Variants in RUNX1 observed in about 807,000 individuals in gnomAD.
RUNX1 encodes RUNX family transcription factor 1, also known as runt-related transcription factor 1.
RUNX1 carries 19 observed loss-of-function variants against 42.8 expected under a neutral mutation model. The ratio of observed to expected loss-of-function variants is 0.44; its 90% CI spans 0.31 to 0.65. The LOEUF (loss-of-function observed/expected upper bound fraction) is 0.65. Ranked by LOEUF, RUNX1 falls within the 30% of genes least tolerant of loss-of-function variation. The probability of loss-of-function intolerance (pLI) is 0.07; values close to 1 mark genes in which losing one functional copy is unlikely to be tolerated. For missense variants in RUNX1, 528 were observed against 672.0 expected (o/e 0.79, Z 2.37); for synonymous variants, 271 against 289.4 (o/e 0.94, Z 0.64).
intron 2 of RUNX1, among the ~76,000 whole-genome samples, chr21:35,008,624 A>G (rs188447212): frequency 7.1e-4 from 108 of 152,360 alleles, no homozygotes; most frequent in Non-Finnish European, 2.8e-4. Context: ...ACTTCAGTAT[A>G]TTTGCTGAAT....
intron 1 of RUNX1, 45 bp downstream of exon 1, chr21:35,049,123 A>T (rs2059421429): frequency 1.9e-6 from 1 of 536,904 alleles, no homozygotes; most frequent in Non-Finnish European, 3.3e-6. Context: ...ATTAAAAAAA[A>T]AAAAAAAGCC....
intron 2 of RUNX1, among the ~76,000 whole-genome samples, chr21:35,034,042 C>T (rs1233848466): frequency 6.6e-6 from 1 of 152,182 alleles, no homozygotes; most frequent in African/African-American, 2.4e-5. Flanking sequence ...CAAAGTCACA[C>T]CCTCTCTAGA....
chr21:34,884,003 G>C (rs1161055387), intron 4 of RUNX1, among the ~76,000 whole-genome samples: 2 of 152,176 alleles, frequency 1.3e-5, no homozygotes, highest in African/African-American at 2.4e-5. Context: ...GAACTTCCCT[G>C]CTGAAGGCAC....
chr21:34,891,617 TA>T (rs940761658), intron 3 of RUNX1, among the ~76,000 whole-genome samples: 1 of 151,442 alleles, frequency 6.6e-6, no homozygotes, highest in African/African-American at 2.4e-5. Context: ...TTCCTTTGCC[TA>T]AGGGAGAAAG....
intron 7 of RUNX1, among the ~76,000 whole-genome samples, chr21:34,801,619 T>C (rs2056609226): frequency 6.6e-6 from 1 of 152,202 alleles, no homozygotes; most frequent in African/African-American, 2.4e-5. Flanking sequence ...GTCAACACCC[T>C]GAAGCCCACC....
chr21:35,022,774 A>G (rs920273231), intron 2 of RUNX1, among the ~76,000 whole-genome samples: 2 of 151,938 alleles, frequency 1.3e-5, no homozygotes, highest in Non-Finnish European at 2.9e-5. Context: ...GGGTGCCCGT[A>G]ATCCCGGCTA....
Position 34,887,045 on chromosome 21 carries a change from C to T in RUNX1, c.149G>A (p.Gly50Asp), listed in dbSNP as rs2146413739. Residue 50 changes from glycine to aspartate, a missense_variant, in exon 4 of 9, where the codon GGC (glycine) becomes GAC (aspartate). Around this residue, in one of 3 missense-constraint regions of RUNX1, gnomAD observed 114 missense variants for 115.0 expected, o/e 0.99. Transcript: ENST00000675419. ...CAGCGGCAACGCCTCGCTCATCTTG[C>T]CTGGGCTCAGCGCGGTGGAAGGCGG... is the stretch of plus-strand genomic sequence containing the variant. ...FTPPSTALSPGKMSEALPLGA... is the reference protein window; with the variant it reads ...FTPPSTALSPDKMSEALPLGA... 11 of 1,601,122 alleles carry T rather than the reference C, an allele frequency of 6.9e-6. No homozygotes were observed. The highest frequency in any genetic ancestry group is 8.5e-6 in the Non-Finnish European group (10 of 1,179,792).
chr21:34,843,709 G>A lies in RUNX1; in HGVS notation c.614-9108C>T, dbSNP rs1277047246. Among the ~76,000 whole-genome samples, 2 of 146,870 alleles carry A rather than the reference G, an allele frequency of 1.4e-5. No homozygotes were observed. Among genetic ancestry groups the A allele is most frequent in the Non-Finnish European group, 3.0e-5 (2 of 67,288 alleles). On this transcript the variant is annotated intron_variant, in intron 6 of 8. Coordinates refer to ENST00000675419, the MANE Select transcript of RUNX1 (RefSeq NM_001754.5). This position sits in a 1 kb window ranked among gnomAD's most constrained non-coding sequence, Gnocchi z 4.8. Reference sequence around the variant, plus strand: ...CCTGCACCATGCGCCCAAGACTCACGGGACAAAAACCCAAACAAAACTCTG... The same window carrying A: ...CCTGCACCATGCGCCCAAGACTCACAGGACAAAAACCCAAACAAAACTCTG...
intron 7 of RUNX1, among the ~76,000 whole-genome samples, chr21:34,805,201 G>C (rs2056662405): frequency 6.6e-6 from 1 of 151,980 alleles, no homozygotes; most frequent in Non-Finnish European, 1.5e-5. Context: ...AAGATAAAGA[G>C]GAAAAAGAAA....
intron 5 of RUNX1, among the ~76,000 whole-genome samples, chr21:34,862,914 C>T (rs964605166): frequency 1.3e-5 from 2 of 152,126 alleles, no homozygotes; most frequent in East Asian, 1.9e-4. Flanking sequence ...AGTCTTGCTC[C>T]GATAGTGGCT....
intron 2 of RUNX1, among the ~76,000 whole-genome samples, chr21:35,000,333 C>T (rs1041433388): frequency 4.0e-5 from 6 of 151,222 alleles, no homozygotes; most frequent in Admixed American, 2.6e-4. Context: ...CTCCGCCTCC[C>T]GGGTTCACGC....
chr21:34,998,289 C>A (rs1250926474), intron 2 of RUNX1, among the ~76,000 whole-genome samples: 1 of 152,106 alleles, frequency 6.6e-6, no homozygotes, highest in Non-Finnish European at 1.5e-5. Context: ...CAGAGATCAG[C>A]CCCATTTTCC....
chr21:34,938,573 T>C (rs1039183623), intron 2 of RUNX1, among the ~76,000 whole-genome samples: 2 of 152,056 alleles, frequency 1.3e-5, no homozygotes, highest in African/African-American at 4.8e-5. Flanking sequence ...TCTCCTCCTC[T>C]TCCTCCTTCT....
At chr21:34,918,955 C>G (rs1481504602) in intron 2 of RUNX1, among the ~76,000 whole-genome samples, 2 of 152,186 alleles carry the variant, frequency 1.3e-5, no homozygotes, top group Non-Finnish European at 2.9e-5. Flanking sequence ...TGTGAAATGA[C>G]AGTAGAGTGT....
chr21:34,910,472 T>C (rs1219440755), intron 2 of RUNX1, among the ~76,000 whole-genome samples: 1 of 152,048 alleles, frequency 6.6e-6, no homozygotes, highest in African/African-American at 2.4e-5. Context: ...AACTGTATAA[T>C]GAAAGCTAAA....
chr21:34,810,361 T>A (rs917715226), intron 7 of RUNX1, among the ~76,000 whole-genome samples: 5 of 152,218 alleles, frequency 3.3e-5, no homozygotes, highest in African/African-American at 7.2e-5. Context: ...CTCTGAGGCA[T>A]GGCATTCTAA....
At chr21:34,851,090 T>G (rs2057411570) in intron 6 of RUNX1, among the ~76,000 whole-genome samples, 2 of 152,182 alleles carry the variant, frequency 1.3e-5, no homozygotes. Context: ...TGTTAGCAAG[T>G]GCCAAAATGG....
At chr21:34,935,261 T>C (rs971554103) in intron 2 of RUNX1, among the ~76,000 whole-genome samples, 2 of 152,118 alleles carry the variant, frequency 1.3e-5, no homozygotes, top group Non-Finnish European at 1.5e-5. Flanking sequence ...CATGATTTCC[T>C]TCACGGAGTC....
chr21:34,936,511 C>T (rs1023455311), intron 2 of RUNX1, among the ~76,000 whole-genome samples: 2 of 152,164 alleles, frequency 1.3e-5, no homozygotes, highest in South Asian at 4.1e-4. Flanking sequence ...ACAGGATGGG[C>T]GTCCCCATAG....
Sources: allele counts gnomAD v4.1 joint callset (sites outside exome capture counted in the v4.1 genomes callset), GRCh38; gene constraint gnomAD v4.1.1; regional missense constraint gnomAD v4.1.1; non-coding constraint Gnocchi (gnomAD v3.1); transcripts MANE v1.5; gene names NCBI Gene and HGNC (gene_info 2026-07-23, HGNC 2026-07-21).